The following ARHGEF18 variants were observed in gnomAD, a reference collection of about 807,000 sequenced individuals.
ARHGEF18 encodes the protein Rho/Rac guanine nucleotide exchange factor 18, also known as rho guanine nucleotide exchange factor 18.
In ARHGEF18, 93 loss-of-function variants were observed where a neutral mutation model predicts 155.7. The ratio of observed to expected loss-of-function variants is 0.60; its 90% CI spans 0.50 to 0.71. The LOEUF (loss-of-function observed/expected upper bound fraction) is 0.71. Among genes scored for constraint, ARHGEF18 ranks in the 30% least tolerant of loss-of-function variants. The probability of loss-of-function intolerance (pLI) is 0.00; values close to 1 mark genes in which losing one functional copy is unlikely to be tolerated. For synonymous variants in ARHGEF18, 742 were observed against 753.1 expected (o/e 0.99, Z 0.24); for missense variants, 1,593 against 1,816.1 (o/e 0.88, Z 2.23).
intron 1 of ARHGEF18, among the ~76,000 whole-genome samples, chr19:7,355,084 A>T (rs1969252452): frequency 7.7e-4 from 3 of 3,906 alleles, no homozygotes; most frequent in African/African-American, 1.4e-3. Flanking sequence ...ACACACACAC[A>T]CACACACACA....
rs1189620328 is a variant in ARHGEF18 at position 7,463,999 on chromosome 19, T to C, written c.2773+44T>C. 6.5e-7 allele frequency: 1 copy of C among 1,529,474 alleles called. No homozygotes were observed. 94.7% of individuals were successfully genotyped at this position (1,529,474 alleles called of 1,614,324 possible). On this transcript the variant is annotated intron_variant, in intron 22 of 28. Coordinates refer to ENST00000668164, the MANE Select transcript of ARHGEF18 (RefSeq NM_001367823.1). The surrounding 1 kb of genome is among the most constrained non-coding windows in gnomAD (Gnocchi z 5.2). ...CCCCTCCTGCCTCCAGGGCCGCCCC[T>C]CAGGATGCACATTAACTTGTATGGG... is the stretch of plus-strand genomic sequence containing the variant.
chr19:7,370,874 C>T (rs1317237990), intron 2 of ARHGEF18, among the ~76,000 whole-genome samples: 1 of 151,234 alleles, frequency 6.6e-6, no homozygotes, highest in Non-Finnish European at 1.5e-5. Flanking sequence ...CTGGACTCGT[C>T]GGGTTCATAG....
At chr19:7,476,366 A>C (rs1977227205), downstream of ARHGEF18, among the ~76,000 whole-genome samples, 1 of 152,216 alleles carries the variant, frequency 6.6e-6, no homozygotes, top group Non-Finnish European at 1.5e-5. Flanking sequence ...GGGCGCACAC[A>C]CACTGGCTGT....
At chr19:7,371,326 G>A (rs761579273) in intron 2 of ARHGEF18, among the ~76,000 whole-genome samples, 2 of 152,124 alleles carry the variant, frequency 1.3e-5, no homozygotes, top group African/African-American at 2.4e-5. Context: ...GAGATAGATG[G>A]AGGTGATGGT....
chr19:7,368,559 T>A (rs1414643921), intron 2 of ARHGEF18, among the ~76,000 whole-genome samples: 1 of 151,928 alleles, frequency 6.6e-6, no homozygotes, highest in African/African-American at 2.4e-5. Context: ...ACTGCCTGGC[T>A]CCCCACTCCC....
At chr19:7,422,897 G>C (rs1973448061) in intron 10 of ARHGEF18, among the ~76,000 whole-genome samples, 1 of 151,602 alleles carries the variant, frequency 6.6e-6, no homozygotes, top group African/African-American at 2.4e-5. Flanking sequence ...TTTTGTATTT[G>C]TAGCAGAGAT....
At position 7,466,954 on chromosome 19, in the gene ARHGEF18, C is replaced by T. The variant is rs2145908627; in HGVS notation, c.2941C>T (p.Pro981Ser). 2 of 1,613,492 alleles carry T rather than the reference C, an allele frequency of 1.2e-6. No individual in the cohort carries two copies. The highest frequency in any genetic ancestry group is 1.1e-5 in the South Asian group (1 of 91,084). The part of the protein sequence containing the change: ...APGTESDPRL[P>S]TVLESELVQR... ...AGGCACGGAATCCGATCCCCGTCTG[C>T]CCACCGTCCTGGAGTCGGAGGTAGG... The change falls in exon 24 of 29, where the codon CCC (proline) becomes TCC (serine). Residue 981 changes from proline to serine, a missense_variant. Pro to Ser is a moderately conservative substitution (Grantham distance 74). Transcript: ENST00000668164.
chr19:7,456,612 G>A (rs1448877325), intron 18 of ARHGEF18, among the ~76,000 whole-genome samples: 3 of 152,130 alleles, frequency 2.0e-5, no homozygotes, highest in Non-Finnish European at 4.4e-5. Flanking sequence ...AGCTACTCAG[G>A]AGGCTGAGGC....
intron 2 of ARHGEF18, 32 bp from the exon 3 acceptor site, chr19:7,372,780 T>C: frequency 8.1e-7 from 1 of 1,234,440 alleles, no homozygotes; most frequent in Non-Finnish European, 1.0e-6. Flanking sequence ...GGTCAATGTC[T>C]TCTTCTCCCT....
intron 2 of ARHGEF18, 23 bp downstream of exon 2, chr19:7,362,928 GGGCA>G (rs1969690768): frequency 5.7e-6 from 7 of 1,234,184 alleles, no homozygotes; most frequent in Non-Finnish European, 7.1e-6. Flanking sequence ...CTGCTGAAAC[GGGCA>G]GGAGCTGATG....
At chr19:7,428,871 C>G (rs1451696132) in intron 10 of ARHGEF18, among the ~76,000 whole-genome samples, 1 of 152,206 alleles carries the variant, frequency 6.6e-6, no homozygotes, top group Non-Finnish European at 1.5e-5. Flanking sequence ...GCTCGTGCCG[C>G]AATGGGCTGA....
intron 10 of ARHGEF18, chr19:7,439,794 G>A (rs1004903220): frequency 1.1e-4 from 152 of 1,420,870 alleles, no homozygotes; most frequent in South Asian, 4.8e-4. Flanking sequence ...CAGGCTCACC[G>A]TTTCATGATC....
chr19:7,450,988 C>T (rs200821654), intron 15 of ARHGEF18, among the ~76,000 whole-genome samples, 161 bp from the exon 16 acceptor site: 23 of 762 alleles, frequency 0.03, no homozygotes, highest in East Asian at 0.15. Context: ...GATGTTAATG[C>T]AGGATCTTGC....
rs927699524 is a variant in ARHGEF18 at position 7,444,038 on chromosome 19, C to T, written c.1361-166C>T. ...TCAGGCTGGGATCCCCCGCAGCATTCTAAACCCTGGACACCCTGGAAGTAA... is the reference window on the plus strand; with the variant it reads ...TCAGGCTGGGATCCCCCGCAGCATTTTAAACCCTGGACACCCTGGAAGTAA... On this transcript the variant is annotated intron_variant, in intron 13 of 28. Transcript: ENST00000668164. The surrounding 1 kb of genome is among the most constrained non-coding windows in gnomAD (Gnocchi z 4.7). Among the ~76,000 whole-genome samples, 2 of 152,186 alleles carry T rather than the reference C, an allele frequency of 1.3e-5. No homozygotes were observed. The highest frequency in any genetic ancestry group is 4.8e-5 in the African/African-American group (2 of 41,456).
chr19:7,468,629 GC>G (rs1976810007), intron 26 of ARHGEF18, among the ~76,000 whole-genome samples, 195 bp from the exon 27 acceptor site: 1 of 152,216 alleles, frequency 6.6e-6, no homozygotes, highest in African/African-American at 2.4e-5. Flanking sequence ...CAGTATGGGT[GC>G]CACTGAGTGT....
chr19:7,452,637 T>C (rs1414988022), intron 16 of ARHGEF18, among the ~76,000 whole-genome samples: 2 of 151,670 alleles, frequency 1.3e-5, no homozygotes, highest in Non-Finnish European at 2.9e-5. Context: ...GGCTAATTTT[T>C]ATATTTTTAG....
chr19:7,431,908 T>A (rs80141774), intron 10 of ARHGEF18, among the ~76,000 whole-genome samples: 4,029 of 152,328 alleles, frequency 0.026, 162 homozygotes, highest in African/African-American at 0.091. Flanking sequence ...CACATTTTTT[T>A]AAATGGTATT....
In ARHGEF18 at chr19:7,459,908, C is replaced by G. The variant is rs1309190190; in HGVS notation, c.2366C>G (p.Pro789Arg). Residue 789 changes from proline to arginine, a missense_variant, in exon 20 of 29, where the codon CCT becomes CGT. Coordinates refer to ENST00000668164, the MANE Select transcript of ARHGEF18 (RefSeq NM_001367823.1). ...AHIQRAVESC[P>R]DEEEGPFSLP... Reference sequence around the variant, plus strand: ...CCCGACTCCTCTCCCTGCAGCTGCCCTGACGAGGAGGAGGGGCCCTTCAGC... The same window carrying G: ...CCCGACTCCTCTCCCTGCAGCTGCCGTGACGAGGAGGAGGGGCCCTTCAGC... 6.3e-7 allele frequency: 1 copy of G among 1,575,872 alleles called. No homozygotes were observed. Among genetic ancestry groups the G allele is most frequent in the African/African-American group, 1.3e-5 (1 of 74,144 alleles).
intron 5 of ARHGEF18, among the ~76,000 whole-genome samples, chr19:7,377,822 C>T (rs958395611): frequency 2.0e-5 from 3 of 151,182 alleles, no homozygotes; most frequent in African/African-American, 7.3e-5. Context: ...CGGTGGCTCA[C>T]GCCTGTAATC....
Sources: allele counts gnomAD v4.1 joint callset (sites outside exome capture counted in the v4.1 genomes callset), GRCh38; gene constraint gnomAD v4.1.1; non-coding constraint Gnocchi (gnomAD v3.1); transcripts MANE v1.5; gene names NCBI Gene and HGNC (gene_info 2026-07-23, HGNC 2026-07-21).